The following ATXN10 variants were observed in gnomAD, a reference collection of about 807,000 sequenced individuals.
The protein encoded by ATXN10 is ataxin-10.
In ATXN10, 28 loss-of-function variants were observed where a neutral mutation model predicts 52.9. That is an observed-to-expected ratio of 0.53 (90% CI 0.39 to 0.73). ATXN10 has a LOEUF of 0.73. Among genes scored for constraint, ATXN10 ranks in the 30% least tolerant of loss-of-function variants. ATXN10 has a pLI of 0.00. For synonymous variants in ATXN10, 226 were observed against 221.5 expected, an observed-to-expected ratio of 1.02 and a Z score of -0.18; for missense variants, 565 against 577.0, an observed-to-expected ratio of 0.98 and a Z score of 0.21.
intron 5 of ATXN10, among the ~76,000 whole-genome samples, chr22:45,713,397 A>G (rs1042177165): frequency 3.9e-5 from 6 of 152,218 alleles, no homozygotes; most frequent in Non-Finnish European, 7.3e-5. Flanking sequence ...TTTGGCATCA[A>G]CAATGTGATT....
chr22:45,816,192 G>A lies in ATXN10; in HGVS notation c.1237+9170G>A, dbSNP rs1928455663. Among the ~76,000 whole-genome samples, 1 of 152,216 alleles carries A rather than the reference G, an allele frequency of 6.6e-6. No individual in the cohort carries two copies. Among genetic ancestry groups the A allele is most frequent in the South Asian group, 2.1e-4 (1 of 4,830 alleles). ...CGCTTGAACCTGCAAGGCGCAGGTT[G>A]TAGTGAGCTGAGATTGTGTCATTGG... On this transcript the variant is annotated intron_variant, in intron 10 of 11. Transcript: ENST00000252934. This position sits in a 1 kb window ranked among gnomAD's most constrained non-coding sequence, Gnocchi z 5.8.
At position 45,712,847 on chromosome 22, in the gene ATXN10, G is replaced by A. The variant is rs1924302930; in HGVS notation, c.648-5566G>A. Among the ~76,000 whole-genome samples the A allele has an allele frequency of 6.6e-6, 1 of 152,148 alleles. No homozygotes were observed. The highest frequency in any genetic ancestry group is 6.5e-5 in the Admixed American group (1 of 15,274). ...AGAAGGGAGGTTATTTTCTAGACCAGCTTTGTAAGCTTTGTCCAAATTGCT... is the reference window on the plus strand; with the variant it reads ...AGAAGGGAGGTTATTTTCTAGACCAACTTTGTAAGCTTTGTCCAAATTGCT... On this transcript the variant is annotated intron_variant, in intron 5 of 11. Coordinates refer to ENST00000252934, the MANE Select transcript of ATXN10 (RefSeq NM_013236.4). This position sits in a 1 kb window ranked among gnomAD's most constrained non-coding sequence, Gnocchi z 4.6.
rs1026293245 is a variant in ATXN10, at chr22:45,718,762, G to A, written c.728+269G>A. On this transcript the variant is annotated intron_variant, in intron 6 of 11. Transcript: ENST00000252934. The surrounding 1 kb of genome is among the most constrained non-coding windows in gnomAD (Gnocchi z 4.4). ...ATTAAGAACAAAATATTATGCATATGCCTGGATTTTAGAATAGTAATTTAT... is the reference window on the plus strand; with the variant it reads ...ATTAAGAACAAAATATTATGCATATACCTGGATTTTAGAATAGTAATTTAT... Among the ~76,000 whole-genome samples the A allele has an allele frequency of 6.6e-6, 1 of 152,150 alleles. No homozygotes were observed. The highest frequency in any genetic ancestry group is 2.4e-5 in the African/African-American group (1 of 41,444).
chr22:45,753,008 A>G (rs1361575729), intron 9 of ATXN10, among the ~76,000 whole-genome samples: 1 of 152,144 alleles, frequency 6.6e-6, no homozygotes, highest in African/African-American at 2.4e-5. Context: ...TGCTGGGATT[A>G]CAGGCGTAAG....
intron 9 of ATXN10, among the ~76,000 whole-genome samples, chr22:45,749,896 G>C (rs991917385): frequency 2.6e-5 from 4 of 151,972 alleles, no homozygotes; most frequent in African/African-American, 9.7e-5. Context: ...TTCATGTTGA[G>C]GGCTACATTT....
In ATXN10 at chr22:45,819,301, A is replaced by G. The variant is rs924138973; in HGVS notation, c.1237+12279A>G. Among the ~76,000 whole-genome samples, 2 of 152,212 alleles carry G rather than the reference A, an allele frequency of 1.3e-5. No individual in the cohort carries two copies. Among genetic ancestry groups the G allele is most frequent in the Non-Finnish European group, 2.9e-5 (2 of 68,042 alleles). ...ATTTTAGAAATTTTGTATCTGATGT[A>G]TAAGATCAGATCATAAGCCTAAAGT... On this transcript the variant is annotated intron_variant, in intron 10 of 11. Transcript: ENST00000252934. The surrounding 1 kb of genome is among the most constrained non-coding windows in gnomAD (Gnocchi z 4.5).
chr22:45,713,095 T>A (rs1013670703), intron 5 of ATXN10, among the ~76,000 whole-genome samples: 13 of 152,198 alleles, frequency 8.5e-5, no homozygotes, highest in African/African-American at 2.9e-4. Flanking sequence ...AAAAAAAAAT[T>A]TCCCTGAAAC....
rs982720606 is a variant in ATXN10, at chr22:45,690,386, G to T, written c.308+483G>T. ...AGGCCCTCTACAGGCCTTGCCATTG[G>T]AGTCTCTCTGACTAGTGTATAAAAT... On this transcript the variant is annotated intron_variant, in intron 2 of 11. Transcript: ENST00000252934. This position sits in a 1 kb window ranked among gnomAD's most constrained non-coding sequence, Gnocchi z 4.5. Among the ~76,000 whole-genome samples the T allele has an allele frequency of 2.6e-5, 4 of 152,144 alleles. No individual in the cohort carries two copies. Among genetic ancestry groups the T allele is most frequent in the African/African-American group, 9.7e-5 (4 of 41,426 alleles).
rs1303003999 is a variant in ATXN10, at chr22:45,795,485, A to T, written c.1174-11474A>T. Among the ~76,000 whole-genome samples the T allele has an allele frequency of 6.6e-6, 1 of 151,828 alleles. No individual in the cohort carries two copies. The highest frequency in any genetic ancestry group is 1.5e-5 in the Non-Finnish European group (1 of 68,000). On this transcript the variant is annotated intron_variant, in intron 9 of 11. Transcript: ENST00000252934. The surrounding 1 kb of genome is among the most constrained non-coding windows in gnomAD (Gnocchi z 4.6). ...GAGTGCAGTGGCGCGATCTCAGCTC[A>T]CTGCAACCTCTGCCTACCAGGTTCA...
At chr22:45,771,732 G>A (rs919193589) in intron 9 of ATXN10, among the ~76,000 whole-genome samples, 1 of 151,950 alleles carries the variant, frequency 6.6e-6, no homozygotes, top group African/African-American at 2.4e-5. Flanking sequence ...CTTTGGTGAC[G>A]TATCTGTTCC....
In ATXN10 at chr22:45,795,418, C is replaced by G. The variant is rs1003941526; in HGVS notation, c.1174-11541C>G. Among the ~76,000 whole-genome samples, 1 of 132,154 alleles carries G rather than the reference C, an allele frequency of 7.6e-6. No individual in the cohort carries two copies. The highest frequency in any genetic ancestry group is 7.4e-5 in the Admixed American group (1 of 13,562). 86.7% of individuals were successfully genotyped at this position (132,154 alleles called of 152,430 possible). A position where few individuals can be genotyped will look rare whatever the true frequency, so the allele number is the denominator to read the frequency against. ...CTATTCTATTCTATTCTATTCTATT[C>G]TATTCTTTTTGAGATGAAGTCTCTC... On this transcript the variant is annotated intron_variant, in intron 9 of 11. Transcript: ENST00000252934. This position sits in a 1 kb window ranked among gnomAD's most constrained non-coding sequence, Gnocchi z 4.6.
rs995386242 is a variant in ATXN10 at position 45,842,461 on chromosome 22, A to G, written c.1238-530A>G. Among the ~76,000 whole-genome samples, 8 of 152,224 alleles carry G rather than the reference A, an allele frequency of 5.3e-5. No individual in the cohort carries two copies. Among genetic ancestry groups the G allele is most frequent in the African/African-American group, 1.9e-4 (8 of 41,452 alleles). ...ATCTTTAGAATACTGAATGCGGGAA[A>G]TTCCACAGTGACTCCTAGGAAACAA... On this transcript the variant is annotated intron_variant, in intron 10 of 11. Transcript: ENST00000252934. The surrounding 1 kb of genome is among the most constrained non-coding windows in gnomAD (Gnocchi z 4.8).
In ATXN10 at chr22:45,754,698, C is replaced by T. The variant is rs184120347; in HGVS notation, c.1173+14160C>T. Among the ~76,000 whole-genome samples the T allele has an allele frequency of 2.0e-4, 30 of 152,220 alleles. No homozygotes were observed. The highest frequency in any genetic ancestry group is 7.2e-4 in the African/African-American group (30 of 41,550). ...TGAAACCCCGACTCTACTAAAAATA[C>T]AAAAAAATTAGCCAGATATGGTGGC... is the stretch of plus-strand genomic sequence containing the variant. On this transcript the variant is annotated intron_variant, in intron 9 of 11. Transcript: ENST00000252934. The surrounding 1 kb of genome is among the most constrained non-coding windows in gnomAD (Gnocchi z 5.4).
intron 5 of ATXN10, chr22:45,703,961 A>T (rs1349617175): frequency 6.6e-6 from 1 of 152,332 alleles, no homozygotes; most frequent in East Asian, 1.9e-4. Flanking sequence ...GCTATTCAGC[A>T]GGCAAGACTC....
At chr22:45,686,976 G>A (rs967183013) in intron 1 of ATXN10, among the ~76,000 whole-genome samples, 104 of 152,240 alleles carry the variant, frequency 6.8e-4, no homozygotes, top group African/African-American at 2.5e-3. Context: ...CCTGGGGAGA[G>A]CATATGACAG....
At chr22:45,814,460 A>G (rs974973110) in intron 10 of ATXN10, among the ~76,000 whole-genome samples, 1 of 152,236 alleles carries the variant, frequency 6.6e-6, no homozygotes, top group African/African-American at 2.4e-5. Flanking sequence ...AAAAGCCCCA[A>G]CAATACTCAG....
At chr22:45,827,643 A>G (rs367792345) in intron 10 of ATXN10, among the ~76,000 whole-genome samples, 2 of 152,224 alleles carry the variant, frequency 1.3e-5, no homozygotes, top group African/African-American at 4.8e-5. Flanking sequence ...GCCAAAATAT[A>G]TGAAGCAAAA....
chr22:45,835,271 C>T lies in ATXN10; in HGVS notation c.1238-7720C>T, dbSNP rs983474571. On this transcript the variant is annotated intron_variant, in intron 10 of 11. Transcript: ENST00000252934. This position sits in a 1 kb window ranked among gnomAD's most constrained non-coding sequence, Gnocchi z 5.0. ...GGCTCATGGGTCCTGCTTTGCCTGG[C>T]GCGGGCGCTTGAGCTTTCACATCTG... 1.3e-5 allele frequency among the ~76,000 whole-genome samples: 2 copies of T among 152,164 alleles called. No individual in the cohort carries two copies. The highest frequency in any genetic ancestry group is 2.1e-4 in the South Asian group (1 of 4,832).
chr22:45,765,011 G>A (rs1211540983), intron 9 of ATXN10, among the ~76,000 whole-genome samples: 1 of 152,162 alleles, frequency 6.6e-6, no homozygotes, highest in African/African-American at 2.4e-5. Context: ...ACAGTTTAAA[G>A]GATTATATGA....
Sources: gnomAD v4.1 joint callset for allele counts (sites outside exome capture counted in the v4.1 genomes callset) on GRCh38, gnomAD v4.1.1 for gene constraint, Gnocchi (gnomAD v3.1) non-coding constraint, MANE v1.5 for transcripts, NCBI Gene and HGNC (gene_info 2026-07-23, HGNC 2026-07-21) for gene names.